The following LMF1 variants were observed in gnomAD, a reference collection of about 807,000 sequenced individuals.
LMF1 encodes the protein transmembrane protein 112.
Under a neutral mutation model 60.6 loss-of-function variants are expected in LMF1, and 68 were observed. The observed-to-expected ratio is 1.12, with a 90% CI of 0.92 to 1.37. The LOEUF (loss-of-function observed/expected upper bound fraction) is 1.37, where lower values mean the gene tolerates loss of function less well. LMF1 is among the 40% of genes most tolerant of loss of function. The pLI is 0.00. For missense variants in LMF1, 948 were observed against 767.2 expected, an observed-to-expected ratio of 1.24 and a Z score of -2.78; for synonymous variants, 418 against 324.7, an observed-to-expected ratio of 1.29 and a Z score of -3.09.
intron 3 of LMF1, among the ~76,000 whole-genome samples, chr16:921,530 A>G (rs1362465054): frequency 6.6e-6 from 1 of 152,244 alleles, no homozygotes; most frequent in African/African-American, 2.4e-5. Context: ...CCCTTAGAAC[A>G]AGACAGCTGT....
At chr16:858,342 T>A (rs376779762) in intron 10 of LMF1, among the ~76,000 whole-genome samples, 114 of 32,132 alleles carry the variant, frequency 3.5e-3, no homozygotes, top group African/African-American at 0.01. Flanking sequence ...GAGTGGTGTC[T>A]CGGGACGGGT....
intron 10 of LMF1, among the ~76,000 whole-genome samples, chr16:861,950 C>T (rs1438009976): frequency 6.6e-6 from 1 of 152,120 alleles, no homozygotes; most frequent in Non-Finnish European, 1.5e-5. Context: ...GAGGAAGTTC[C>T]TCTCCTTCTC....
intron 2 of LMF1, among the ~76,000 whole-genome samples, chr16:945,264 G>A (rs1171105245): frequency 1.3e-5 from 2 of 151,218 alleles, no homozygotes; most frequent in Non-Finnish European, 2.9e-5. Flanking sequence ...GCTCATGCCT[G>A]TAATCCTAGC....
At chr16:971,119 C>G (rs577975871), upstream of LMF1, 1 of 850,350 alleles carries the variant, frequency 1.2e-6, no homozygotes, top group East Asian at 3.4e-5. Context: ...GCTCACAGTC[C>G]CGGAGGCACC....
intron 2 of LMF1, among the ~76,000 whole-genome samples, chr16:938,036 C>CAA (rs5815060): frequency 0.33 from 48,317 of 145,566 alleles, 10,346 homozygotes; most frequent in African/African-American, 0.59. Flanking sequence ...CAGAAGTTAC[C>CAA]AAAAAAAAAA....
At chr16:890,426 C>T (rs912925554) in intron 5 of LMF1, among the ~76,000 whole-genome samples, 1 of 152,226 alleles carries the variant, frequency 6.6e-6, no homozygotes, top group Non-Finnish European at 1.5e-5. Flanking sequence ...CCGGCCCGGC[C>T]CCCCGAGACA....
At chr16:936,172 G>C (rs1024916710) in intron 2 of LMF1, among the ~76,000 whole-genome samples, 8 of 145,714 alleles carry the variant, frequency 5.5e-5, no homozygotes, top group Non-Finnish European at 1.0e-4. Flanking sequence ...GGGAGACAGA[G>C]GGGGCACCGT....
rs531817292 is a variant in LMF1 at position 867,683 on chromosome 16, A to C, written c.1529+1261T>G. ...GGTGGCCCTGAGGGCGCCAGCTAGG[A>C]GGGCGGCCACCCCACCGGGGGCTCT... On this transcript the variant is annotated intron_variant, in intron 10 of 10. Transcript: ENST00000262301. 1.1e-3 allele frequency among the ~76,000 whole-genome samples: 170 copies of C among 152,242 alleles called. 2 individuals carry two copies. Among genetic ancestry groups the C allele is most frequent in the Non-Finnish European group, 1.5e-3 (105 of 67,996 alleles).
chr16:888,160 CA>C (rs1407851773), intron 5 of LMF1, among the ~76,000 whole-genome samples: 1 of 151,914 alleles, frequency 6.6e-6, no homozygotes, highest in African/African-American at 2.4e-5. Context: ...CCTTGGGGTG[CA>C]GGGGGTGGAG....
intron 5 of LMF1, among the ~76,000 whole-genome samples, chr16:883,530 A>C (rs569947086): frequency 6.6e-6 from 1 of 152,342 alleles, no homozygotes; most frequent in Non-Finnish European, 1.5e-5. Flanking sequence ...CATTTTAGAG[A>C]AACCAAAGTA....
intron 5 of LMF1, among the ~76,000 whole-genome samples, chr16:887,991 G>A (rs748777377): frequency 7.2e-5 from 11 of 152,118 alleles, no homozygotes; most frequent in Non-Finnish European, 1.6e-4. Context: ...CTGAGGGTCT[G>A]TGGTGCGTGG....
At chr16:956,230 CCCACGACGGCTCTCT>C in intron 1 of LMF1, among the ~76,000 whole-genome samples, 1 of 151,458 alleles carries the variant, frequency 6.6e-6, no homozygotes, top group African/African-American at 2.4e-5. Context: ...CGGCGCCCAC[CCCACGACGGCTCTCT>C]CACATCCACA....
rs554414122 is a variant in LMF1, at chr16:915,828, G to A, written c.515-4749C>T. On this transcript the variant is annotated intron_variant, in intron 3 of 10. Transcript: ENST00000262301. ...GAGATGAGCACCATCACCGGGGGCCGGAGCAGGTGAGATGCAGGGGCCGGA... is the reference window on the plus strand; with the variant it reads ...GAGATGAGCACCATCACCGGGGGCCAGAGCAGGTGAGATGCAGGGGCCGGA... Among the ~76,000 whole-genome samples the A allele has an allele frequency of 3.9e-5, 6 of 152,196 alleles. No individual in the cohort carries two copies. The East Asian group carries it at 7.7e-4, about 20-fold the overall frequency.
intron 1 of LMF1, among the ~76,000 whole-genome samples, chr16:956,166 C>T (rs574425500): frequency 4.1e-5 from 5 of 122,272 alleles, no homozygotes; most frequent in South Asian, 7.0e-4. Flanking sequence ...TGTCTCACGG[C>T]GCCCACCCCA....
intron 10 of LMF1, among the ~76,000 whole-genome samples, chr16:867,021 T>A (rs970712767): frequency 6.6e-6 from 1 of 152,178 alleles, no homozygotes; most frequent in Non-Finnish European, 1.5e-5. Flanking sequence ...GGGGTAAGTG[T>A]CTGTTCCATC....
At position 862,871 on chromosome 16, in the gene LMF1, A is replaced by G. The variant is rs186826086; in HGVS notation, c.1529+6073T>C. Among the ~76,000 whole-genome samples, 1,175 of 152,260 alleles carry G rather than the reference A, an allele frequency of 7.7e-3. 21 individuals carry two copies. The highest frequency in any genetic ancestry group is 0.027 in the African/African-American group (1,107 of 41,554). ...TGAGAACCTGTCTCAAAAAATAAAT[A>G]AATAAATAAATAAAACGTAAATTGA... On this transcript the variant is annotated intron_variant, in intron 10 of 10. Coordinates refer to ENST00000262301, the MANE Select transcript of LMF1 (RefSeq NM_022773.4).
intron 4 of LMF1, among the ~76,000 whole-genome samples, chr16:909,514 A>C (rs1446680485): frequency 2.6e-5 from 4 of 152,114 alleles, no homozygotes; most frequent in Admixed American, 2.6e-4. Context: ...CGCTACACAG[A>C]GCCACGCTAC....
At chr16:890,443 G>A (rs1281339876) in intron 5 of LMF1, among the ~76,000 whole-genome samples, 1 of 152,182 alleles carries the variant, frequency 6.6e-6, no homozygotes, top group Non-Finnish European at 1.5e-5. Flanking sequence ...GACAGCAGCT[G>A]CTGCCAGAGC....
At chr16:952,033 ACAGCTCATGGGCGCCTCGG>A (rs1195402339) in intron 2 of LMF1, among the ~76,000 whole-genome samples, 9 of 152,180 alleles carry the variant, frequency 5.9e-5, no homozygotes, top group African/African-American at 1.7e-4. Flanking sequence ...GCCTGTGCTG[ACAGCTCATGGGCGCCTCGG>A]CAAAGTCAGG....
Sources: allele counts gnomAD v4.1 joint callset (sites outside exome capture counted in the v4.1 genomes callset), GRCh38; gene constraint gnomAD v4.1.1; transcripts MANE v1.5; gene names NCBI Gene and HGNC (gene_info 2026-07-23, HGNC 2026-07-21).